LYZL1: variants seen among roughly 807,000 people sequenced by gnomAD.
LYZL1 encodes lysozyme like 1.
A neutral mutation model predicts 17.9 loss-of-function variants in LYZL1; 16 were observed. The ratio of observed to expected loss-of-function variants is 0.90; its 90% CI spans 0.61 to 1.36. The LOEUF (loss-of-function observed/expected upper bound fraction) is 1.36. Ranked by LOEUF, LYZL1 falls within the 40% of genes most tolerant of loss-of-function variation. LYZL1 has a pLI of 0.00. For missense variants in LYZL1, 149 were observed against 188.4 expected (o/e 0.79, Z 1.22); for synonymous variants, 58 against 71.8 (o/e 0.81, Z 0.97).
At chr10:29,304,423 A>T (rs1835563037) in intron 3 of LYZL1, among the ~76,000 whole-genome samples, 2 of 152,158 alleles carry the variant, frequency 1.3e-5, no homozygotes, top group South Asian at 4.1e-4. Context: ...GAAAGAGATG[A>T]ACATCGAGGG....
At chr10:29,290,416 T>C (rs112382700) in intron 1 of LYZL1, among the ~76,000 whole-genome samples, 183 of 152,320 alleles carry the variant, frequency 1.2e-3, no homozygotes, top group African/African-American at 4.2e-3. Context: ...CCCCAGGTGC[T>C]TTCCTCCTTT....
In LYZL1 at chr10:29,293,343, C is replaced by G. The variant is rs538121303; in HGVS notation, c.298+666C>G. ...ATGGAGTCCCGTTATGGGGTCCCAC[C>G]TGGGCTGGTCTTGAACTCCTGGCCT... On this transcript the variant is annotated intron_variant, in intron 3 of 4. Coordinates refer to ENST00000649382, the MANE Select transcript of LYZL1 (RefSeq NM_032517.6). Among the ~76,000 whole-genome samples, 6 of 152,088 alleles carry G rather than the reference C, an allele frequency of 3.9e-5. No individual in the cohort carries two copies. In the East Asian group the frequency reaches 1.2e-3, roughly 29 times the overall value.
chr10:29,293,134 C>CTTTTTT (rs11453474), intron 3 of LYZL1, among the ~76,000 whole-genome samples: 2 of 121,048 alleles, frequency 1.7e-5, no homozygotes, highest in East Asian at 2.4e-4. Flanking sequence ...TTTCTTTTTT[C>CTTTTTT]TTTTTTTTTT....
downstream of LYZL1, among the ~76,000 whole-genome samples, chr10:29,314,853 G>C (rs944458581): frequency 6.6e-6 from 1 of 152,126 alleles, no homozygotes; most frequent in Admixed American, 6.5e-5. Context: ...GGGCCACAGC[G>C]CAATGGCAGA....
At chr10:29,306,122 ACTGT>A (rs1435449245) in intron 3 of LYZL1, among the ~76,000 whole-genome samples, 4 of 152,224 alleles carry the variant, frequency 2.6e-5, no homozygotes, top group Admixed American at 2.0e-4. Flanking sequence ...TGAATTAATG[ACTGT>A]CTTTTTTTTC....
intron 3 of LYZL1, among the ~76,000 whole-genome samples, chr10:29,306,417 G>T (rs1188454280): frequency 6.8e-6 from 1 of 146,130 alleles, no homozygotes; most frequent in African/African-American, 2.5e-5. Flanking sequence ...GGGCGTAGTG[G>T]CGGGCGCCTG....
chr10:29,311,296 G>A, downstream of LYZL1: 3 of 1,308,148 alleles, frequency 2.3e-6, no homozygotes, highest in South Asian at 5.0e-5. Flanking sequence ...CCTCCACAAT[G>A]CTCTAGCCTT....
chr10:29,289,364 G>A lies in LYZL1; in HGVS notation c.-26+134G>A, dbSNP rs539482153. 19 of 592,118 alleles carry A rather than the reference G, an allele frequency of 3.2e-5. No individual in the cohort carries two copies. In the African/African-American group the frequency reaches 3.6e-4, roughly 11 times the overall value. The allele number at this position is 592,118 out of a possible 1,614,324, so 36.7% of individuals were successfully genotyped here. Reference sequence around the variant, plus strand: ...AGATCAGTAAAATTCTAAGGCAGGGGATGGAAACCAACTCTATTTGTAAGC... The same window carrying A: ...AGATCAGTAAAATTCTAAGGCAGGGAATGGAAACCAACTCTATTTGTAAGC... On this transcript the variant is annotated intron_variant, in intron 1 of 4. Coordinates refer to ENST00000649382, the MANE Select transcript of LYZL1 (RefSeq NM_032517.6).
chr10:29,309,992 C>A, intron 3 of LYZL1, 118 bp from the exon 4 acceptor site: 1 of 675,978 alleles, frequency 1.5e-6, no homozygotes. Flanking sequence ...CAGGCAAAAT[C>A]ATAGTTCTTC....
At chr10:29,317,566 G>A (rs1483351398) in intron 4 of LYZL1, 1 of 152,228 alleles carries the variant, frequency 6.6e-6, no homozygotes, top group Non-Finnish European at 1.5e-5. Flanking sequence ...TGTGCAAACA[G>A]AGTGGGGAGT....
At chr10:29,310,720 C>G (rs889864858) in intron 4 of LYZL1, among the ~76,000 whole-genome samples, 1 of 152,168 alleles carries the variant, frequency 6.6e-6, no homozygotes, top group Non-Finnish European at 1.5e-5. Context: ...ACTCAGAGAA[C>G]CCGAATTTTC....
At chr10:29,296,551 G>A (rs10763703) in intron 3 of LYZL1, among the ~76,000 whole-genome samples, 98,891 of 151,982 alleles carry the variant, frequency 0.65, 32,384 homozygotes, top group East Asian at 0.83. Flanking sequence ...TCCTCTAGAC[G>A]AGTAAAGTAG....
At chr10:29,300,225 C>T (rs908382717) in intron 3 of LYZL1, among the ~76,000 whole-genome samples, 5 of 142,202 alleles carry the variant, frequency 3.5e-5, no homozygotes, top group Non-Finnish European at 6.1e-5. Context: ...TCCATTTTTT[C>T]TGCTTTCTTT....
chr10:29,308,904 G>A (rs188600993), intron 3 of LYZL1, among the ~76,000 whole-genome samples: 2 of 152,338 alleles, frequency 1.3e-5, no homozygotes, highest in East Asian at 1.9e-4. Flanking sequence ...GGTTGAGACT[G>A]CAGTGAGCTA....
Position 29,318,030 on chromosome 10 carries a change from C to T in LYZL1, c.*139-121C>T, listed in dbSNP as rs753323148. 13 of 307,584 alleles carry T rather than the reference C, an allele frequency of 4.2e-5. No homozygotes were observed. The South Asian group carries it at 1.2e-3, about 27-fold the overall frequency. The allele number at this position is 307,584 out of a possible 1,614,324, so 19.1% of individuals were successfully genotyped here. ...TGTAATAGGTGATTTCTAACAGGAC[C>T]TGCAGACACTTTGAAAGGATAAACT... On this transcript the variant is annotated intron_variant and NMD_transcript_variant, in intron 4 of 4. Coordinates refer to the LYZL1 transcript ENST00000494304.
Position 29,292,067 on chromosome 10 carries a change from G to A in LYZL1, c.139+61G>A, listed in dbSNP as rs567727085. The A allele has an allele frequency of 2.2e-4, 334 of 1,531,410 alleles. 5 individuals carry two copies. Among genetic ancestry groups the A allele is most frequent in the Middle Eastern group, 1.4e-3 (7 of 4,874 alleles). The allele number at this position is 1,531,410 out of a possible 1,614,324, so 94.9% of individuals were successfully genotyped here. A position where few individuals can be genotyped will look rare whatever the true frequency, so the allele number is the denominator to read the frequency against. On this transcript the variant is annotated intron_variant, in intron 2 of 4. Transcript: ENST00000649382. ...TGACCTTTCCCCTGAGATGTTGAAGGTCCTGGCCACACTCCCTGCTGTGTC... is the reference window on the plus strand; with the variant it reads ...TGACCTTTCCCCTGAGATGTTGAAGATCCTGGCCACACTCCCTGCTGTGTC...
rs2368434 is a variant in LYZL1 at position 29,292,449 on chromosome 10, C to T, written c.140-70C>T. On this transcript the variant is annotated intron_variant, in intron 2 of 4. Transcript: ENST00000649382. ...GTCAGGTAACAAGGATAAGGAAACT[C>T]GCCCTCAGACCAAGCTTAGAGCAAA... 517 of 1,573,040 alleles carry T rather than the reference C, an allele frequency of 3.3e-4. 1 individual carries two copies. The highest frequency in any genetic ancestry group is 4.1e-4 in the Non-Finnish European group (480 of 1,160,022).
intron 3 of LYZL1, among the ~76,000 whole-genome samples, chr10:29,304,863 C>G (rs1426293203): frequency 6.6e-6 from 1 of 152,186 alleles, no homozygotes; most frequent in Non-Finnish European, 1.5e-5. Flanking sequence ...ACTTTCAAAA[C>G]ATCCCAACTG....
intron 4 of LYZL1, among the ~76,000 whole-genome samples, chr10:29,317,685 G>C (rs1409418167): frequency 6.6e-6 from 1 of 152,136 alleles, no homozygotes; most frequent in African/African-American, 2.4e-5. Context: ...CCTGTAAAAT[G>C]GGAATAACAG....
Sources: gnomAD v4.1 joint callset for allele counts (sites outside exome capture counted in the v4.1 genomes callset) on GRCh38, gnomAD v4.1.1 for gene constraint, MANE v1.5 for transcripts, NCBI Gene and HGNC (gene_info 2026-07-23, HGNC 2026-07-21) for gene names.